PPIL1: variants seen among roughly 807,000 people sequenced by gnomAD.
The protein encoded by PPIL1 is peptidyl-prolyl cis-trans isomerase-like 1.
Under a neutral mutation model 19.4 loss-of-function variants are expected in PPIL1, and 14 were observed. That is an observed-to-expected ratio of 0.72 (90% CI 0.48 to 1.13). The LOEUF (loss-of-function observed/expected upper bound fraction) is 1.13. Ranked by LOEUF, PPIL1 falls within the 50% of genes most tolerant of loss-of-function variation. PPIL1 has a pLI of 0.00. For synonymous variants in PPIL1, 72 were observed against 73.6 expected, an observed-to-expected ratio of 0.98 and a Z score of 0.11; for missense variants, 192 against 218.0, an observed-to-expected ratio of 0.88 and a Z score of 0.75.
chr6:36,855,535 C>G lies in PPIL1; in HGVS notation c.*278G>C. On this transcript the variant is annotated 3_prime_UTR_variant, in exon 4 of 4. Transcript: ENST00000373699. Reference sequence around the variant, plus strand: ...TTCGACGTATATCAGAGCAGACATGCACAAGAAGCAGCATTATGGTTCATG... The same window carrying G: ...TTCGACGTATATCAGAGCAGACATGGACAAGAAGCAGCATTATGGTTCATG... 2.3e-6 allele frequency: 1 copy of G among 442,120 alleles called. No homozygotes were observed. 27.4% of individuals were successfully genotyped at this position (442,120 alleles called of 1,614,324 possible). A position where few individuals can be genotyped will look rare whatever the true frequency, so the allele number is the denominator to read the frequency against.
At chr6:36,871,341 C>T (rs1583120290) in intron 2 of PPIL1, among the ~76,000 whole-genome samples, 2 of 152,164 alleles carry the variant, frequency 1.3e-5, no homozygotes, top group Admixed American at 6.5e-5. Context: ...ATGAATGAAT[C>T]GATAAAAGAA....
At chr6:36,859,719 T>C (rs1171461273) in intron 2 of PPIL1, among the ~76,000 whole-genome samples, 3 of 152,082 alleles carry the variant, frequency 2.0e-5, no homozygotes, top group Non-Finnish European at 4.4e-5. Flanking sequence ...CAGATGTCAA[T>C]TATCAGTTAG....
At chr6:36,872,192 T>C (rs1215066851) in intron 1 of PPIL1, among the ~76,000 whole-genome samples, 1 of 151,930 alleles carries the variant, frequency 6.6e-6, no homozygotes, top group Non-Finnish European at 1.5e-5. Flanking sequence ...GAAACCAATA[T>C]AACCAACCCC....
chr6:36,855,079 C>T lies in PPIL1; in HGVS notation c.*734G>A, dbSNP rs926588130. 2.6e-5 allele frequency: 4 copies of T among 152,806 alleles called. No homozygotes were observed. The highest frequency in any genetic ancestry group is 9.6e-5 in the African/African-American group (4 of 41,452). The allele number at this position is 152,806 out of a possible 1,614,324, so 9.5% of individuals were successfully genotyped here. ...TCTGTCCTTTGCTCACTACAGATTTCTCCTCTTCTCTGGGAAAAAATGGTC... is the reference window on the plus strand; with the variant it reads ...TCTGTCCTTTGCTCACTACAGATTTTTCCTCTTCTCTGGGAAAAAATGGTC... On this transcript the variant is annotated 3_prime_UTR_variant, in exon 4 of 4. Transcript: ENST00000373699.
Position 36,855,890 on chromosome 6 carries a change from C to A in PPIL1, c.424G>T (p.Val142Leu), listed in dbSNP as rs775079812. The A allele has an allele frequency of 1.1e-5, 17 of 1,614,144 alleles. No homozygotes were observed. Among genetic ancestry groups the A allele is most frequent in the South Asian group, 9.9e-5 (9 of 91,084 alleles). ...VCQGIGMVNRVGMVETNSQDR... is the reference protein window; with the variant it reads ...VCQGIGMVNRLGMVETNSQDR... ...TGGGAGTTTGTTTCTACCATTCCCA[C>A]GCGATTCACCATTCCTATGCCCTGA... Residue 142 changes from valine (V) to leucine (L), a missense_variant, in exon 4 of 4, where the codon GTG (valine) becomes TTG (leucine). Coordinates refer to ENST00000373699, the MANE Select transcript of PPIL1 (RefSeq NM_016059.5).
chr6:36,855,490 T>C lies in PPIL1; in HGVS notation c.*323A>G, dbSNP rs1327007243. On this transcript the variant is annotated 3_prime_UTR_variant, in exon 4 of 4. Coordinates refer to ENST00000373699, the MANE Select transcript of PPIL1 (RefSeq NM_016059.5). ...TTGGTTAGGCAAAACCACTGAGAAA[T>C]GACAGTGGCTGCTACATTGTTCGAC... 9.6e-6 allele frequency: 3 copies of C among 314,072 alleles called. No individual in the cohort carries two copies. Among genetic ancestry groups the C allele is most frequent in the Non-Finnish European group, 1.9e-5 (3 of 161,936 alleles). 19.5% of individuals were successfully genotyped at this position (314,072 alleles called of 1,614,324 possible).
In PPIL1 at chr6:36,856,592, A is replaced by G. The variant is rs753837105; in HGVS notation, c.274T>C (p.Phe92Leu). ...FEDELHPDLK[F>L]TGAGILAMAN... ...AGCCAAATTATACACTTACCCGTGAATTTCAAGTCTGGATGAAGTTCATCT... is the reference window on the plus strand; with the variant it reads ...AGCCAAATTATACACTTACCCGTGAGTTTCAAGTCTGGATGAAGTTCATCT... Residue 92 changes from phenylalanine (F) to leucine (L), a missense_variant, in exon 3 of 4, where the codon TTC (phenylalanine) becomes CTC (leucine). Coordinates refer to ENST00000373699, the MANE Select transcript of PPIL1 (RefSeq NM_016059.5). 1 of 1,614,106 alleles carries G rather than the reference A, an allele frequency of 6.2e-7. No homozygotes were observed. The highest frequency in any genetic ancestry group is 8.5e-7 in the Non-Finnish European group (1 of 1,179,928).
intron 2 of PPIL1, among the ~76,000 whole-genome samples, chr6:36,869,726 T>C (rs1209181365): frequency 6.6e-6 from 1 of 152,082 alleles, no homozygotes; most frequent in African/African-American, 2.4e-5. Context: ...CAGATAATAA[T>C]AAAACTAACA....
Position 36,871,821 on chromosome 6 carries a change from A to G in PPIL1, c.108T>C (p.Cys36=). The change falls in exon 2 of 4, where the codon TGT becomes TGC. Residue 36 remains cysteine, a synonymous_variant. Coordinates refer to ENST00000373699, the MANE Select transcript of PPIL1 (RefSeq NM_016059.5). ...ELYWKHAPKT[C]KNFAELARRG... ...GACGAGCCAACTCAGCAAAGTTCTT[A>G]CAGGTCTTTGGAGCATGCTTCCAGT... 6.2e-7 allele frequency: 1 copy of G among 1,611,826 alleles called. No homozygotes were observed. Among genetic ancestry groups the G allele is most frequent in the Non-Finnish European group, 8.5e-7 (1 of 1,179,176 alleles).
At position 36,874,788 on chromosome 6, in the gene PPIL1, G is replaced by A. The variant is rs1188109475; in HGVS notation, c.-16C>T. 7 of 1,613,804 alleles carry A rather than the reference G, an allele frequency of 4.3e-6. No homozygotes were observed. The highest frequency in any genetic ancestry group is 2.2e-5 in the South Asian group (2 of 91,000). Reference sequence around the variant, plus strand: ...TTGCCGCCATAGCGAAGCCGGCGGCGGAATGCTTGTCTAGTAATTGCTACT... The same window carrying A: ...TTGCCGCCATAGCGAAGCCGGCGGCAGAATGCTTGTCTAGTAATTGCTACT... On this transcript the variant is annotated 5_prime_UTR_variant, in exon 1 of 4. Coordinates refer to ENST00000373699, the MANE Select transcript of PPIL1 (RefSeq NM_016059.5).
chr6:36,858,617 G>T (rs569362526), intron 2 of PPIL1: 1 of 152,154 alleles, frequency 6.6e-6, no homozygotes, highest in South Asian at 2.1e-4. Flanking sequence ...TTTCTTTTCC[G>T]GAAGAAAACA....
chr6:36,858,037 G>A (rs939060608), intron 2 of PPIL1, among the ~76,000 whole-genome samples: 1 of 151,514 alleles, frequency 6.6e-6, no homozygotes, highest in Non-Finnish European at 1.5e-5. Context: ...AGACCAGCCT[G>A]GCCAACATAG....
intron 2 of PPIL1, among the ~76,000 whole-genome samples, chr6:36,866,879 G>A (rs1774404243): frequency 6.6e-6 from 1 of 152,180 alleles, no homozygotes; most frequent in Admixed American, 6.5e-5. Context: ...CTCCAATGGG[G>A]ATGGCATCAG....
At chr6:36,862,179 C>A (rs1456912246) in intron 2 of PPIL1, among the ~76,000 whole-genome samples, 1 of 151,306 alleles carries the variant, frequency 6.6e-6, no homozygotes, top group Non-Finnish European at 1.5e-5. Flanking sequence ...GCCCCTCCCA[C>A]CCCACAGTTG....
rs1774604285 is a variant in PPIL1, at chr6:36,874,779, G to A, written c.-7C>T. ...CTGGGGGAATTGCCGCCATAGCGAA[G>A]CCGGCGGCGGAATGCTTGTCTAGTA... On this transcript the variant is annotated 5_prime_UTR_variant, in exon 1 of 4. Transcript: ENST00000373699. 1.2e-6 allele frequency: 2 copies of A among 1,613,928 alleles called. No individual in the cohort carries two copies. Among genetic ancestry groups the A allele is most frequent in the South Asian group, 2.2e-5 (2 of 91,072 alleles).
chr6:36,867,391 A>T (rs1337186616), intron 2 of PPIL1, among the ~76,000 whole-genome samples: 1 of 152,234 alleles, frequency 6.6e-6, no homozygotes, highest in African/African-American at 2.4e-5. Flanking sequence ...CTAAAATTGT[A>T]AAAAGAGTCA....
At chr6:36,870,979 C>G (rs75703173) in intron 2 of PPIL1, among the ~76,000 whole-genome samples, 1 of 152,270 alleles carries the variant, frequency 6.6e-6, no homozygotes, top group South Asian at 2.1e-4. Context: ...GCTCAAAACT[C>G]TCCAATGACT....
At chr6:36,873,283 T>G (rs1282513196) in intron 1 of PPIL1, among the ~76,000 whole-genome samples, 1 of 152,172 alleles carries the variant, frequency 6.6e-6, no homozygotes, top group Non-Finnish European at 1.5e-5. Flanking sequence ...AGGATGTTCA[T>G]CTCAGTATTT....
intron 1 of PPIL1, 36 bp downstream of exon 1, chr6:36,874,681 C>T: frequency 6.2e-7 from 1 of 1,610,468 alleles, no homozygotes; most frequent in South Asian, 1.1e-5. Context: ...GGCTCCGCGT[C>T]TCCTCTGCCA....
Sources: gnomAD v4.1 joint callset for allele counts (sites outside exome capture counted in the v4.1 genomes callset) on GRCh38, gnomAD v4.1.1 for gene constraint, MANE v1.5 for transcripts, NCBI Gene and HGNC (gene_info 2026-07-23, HGNC 2026-07-21) for gene names.